VWCE: variants seen among roughly 807,000 people sequenced by gnomAD.
VWCE encodes the protein von Willebrand factor C and EGF domain-containing protein.
A neutral mutation model predicts 102.9 loss-of-function variants in VWCE; 68 were observed. The ratio of observed to expected loss-of-function variants is 0.66; its 90% CI spans 0.54 to 0.81. The LOEUF (loss-of-function observed/expected upper bound fraction) is 0.81, where lower values mean the gene tolerates loss of function less well. Ranked by LOEUF, VWCE falls within the 30% of genes least tolerant of loss-of-function variation. VWCE has a pLI of 0.00. For synonymous variants in VWCE, 497 were observed against 515.4 expected (o/e 0.96, Z 0.48); for missense variants, 1,137 against 1,263.6 (o/e 0.90, Z 1.52).
intron 9 of VWCE, among the ~76,000 whole-genome samples, chr11:61,279,946 CA>C (rs769382921): frequency 1.3e-5 from 2 of 152,186 alleles, no homozygotes; most frequent in Non-Finnish European, 2.9e-5. Context: ...GGGCTAGTCT[CA>C]AACTCCTGGG....
At chr11:61,291,626 T>G (rs183883546) in intron 1 of VWCE, 50 bp from the exon 2 acceptor site, 1 of 1,354,174 alleles carries the variant, frequency 7.4e-7, no homozygotes, top group Non-Finnish European at 9.6e-7. Flanking sequence ...GGGGAGACAT[T>G]GGTCAACAGG....
Position 61,264,528 on chromosome 11 carries a change from T to C in VWCE, c.2189A>G (p.Asp730Gly), listed in dbSNP as rs1191446176. 3.7e-6 allele frequency: 6 copies of C among 1,613,354 alleles called. No homozygotes were observed. The highest frequency in any genetic ancestry group is 5.1e-6 in the Non-Finnish European group (6 of 1,179,770). ...GCAGTCCCCAGGAAGCAGGGCAGGGTCGGCACAGGCCCGCTGGCAGGGAAC... is the reference window on the plus strand; with the variant it reads ...GCAGTCCCCAGGAAGCAGGGCAGGGCCGGCACAGGCCCGCTGGCAGGGAAC... ...EKVPCQRACA[D>G]PALLPGDCCS... Residue 730 changes from aspartate (D) to glycine (G), a missense_variant, in exon 19 of 20, where the codon GAC becomes GGC. By Grantham distance (94) the Asp-to-Gly change is moderately conservative (BLOSUM62 -1). Coordinates refer to ENST00000335613, the MANE Select transcript of VWCE (RefSeq NM_152718.2).
intron 9 of VWCE, 98 bp downstream of exon 9, chr11:61,280,526 C>A: frequency 8.1e-7 from 1 of 1,227,360 alleles, no homozygotes; most frequent in Non-Finnish European, 1.1e-6. Flanking sequence ...CCAGGAGATT[C>A]TAATGTATGC....
chr11:61,280,297 G>A (rs1392318285), intron 9 of VWCE, among the ~76,000 whole-genome samples: 1 of 152,162 alleles, frequency 6.6e-6, no homozygotes, highest in Non-Finnish European at 1.5e-5. Flanking sequence ...AAATGAAAAT[G>A]AGCGAATGAA....
intron 4 of VWCE, 99 bp downstream of exon 4, chr11:61,290,700 T>C: frequency 1.4e-6 from 2 of 1,404,942 alleles, no homozygotes; most frequent in Non-Finnish European, 1.9e-6. Flanking sequence ...TGGCTCAGCT[T>C]AGCCTTGCAA....
chr11:61,282,951 C>T (rs1855190063), intron 5 of VWCE, 46 bp from the exon 6 acceptor site: 2 of 1,524,074 alleles, frequency 1.3e-6, no homozygotes, highest in Non-Finnish European at 1.8e-6. Context: ...CCCAACAGAA[C>T]CTTGGAAATA....
intron 3 of VWCE, 88 bp downstream of exon 3, chr11:61,291,176 C>G: frequency 7.5e-7 from 1 of 1,332,822 alleles, no homozygotes; most frequent in Non-Finnish European, 1.0e-6. Flanking sequence ...GCTGAGACAC[C>G]AGGACACATC....
chr11:61,268,884 C>T (rs774732231), intron 15 of VWCE, 38 bp downstream of exon 15: 43 of 1,607,898 alleles, frequency 2.7e-5, no homozygotes, highest in Admixed American at 2.5e-4. Flanking sequence ...GCCTGAGATG[C>T]CCTGCCCTGG....
chr11:61,281,125 G>A lies in VWCE; in HGVS notation c.898C>T (p.His300Tyr), dbSNP rs1165340069. The A allele has an allele frequency of 1.2e-6, 2 of 1,613,526 alleles. No homozygotes were observed. The part of the protein sequence containing the change: ...EAGRPALSPG[H>Y]SPPSGAPGPP... ...CCTGGAGCCCCAGAAGGAGGGCTAT[G>A]TCCTGGGGACAGGGCAGGCCGGCCG... The change falls in exon 8 of 20, where the codon CAT becomes TAT. Residue 300 changes from histidine to tyrosine, a missense_variant. Transcript: ENST00000335613.
At chr11:61,260,988 G>A (rs897664199) in intron 19 of VWCE, among the ~76,000 whole-genome samples, 2 of 152,184 alleles carry the variant, frequency 1.3e-5, no homozygotes, top group Non-Finnish European at 2.9e-5. Context: ...ATTTTGGGAG[G>A]CCATGGTGGA....
chr11:61,266,282 G>A (rs1260981193), intron 16 of VWCE, among the ~76,000 whole-genome samples: 1 of 152,152 alleles, frequency 6.6e-6, no homozygotes, highest in African/African-American at 2.4e-5. Context: ...GCTCATGCCT[G>A]TAATCCCCAA....
At chr11:61,259,421 TCAGCA>T in intron 19 of VWCE, 109 bp from the exon 20 acceptor site, 1 of 1,375,466 alleles carries the variant, frequency 7.3e-7, no homozygotes. Context: ...CAGAGGGGCC[TCAGCA>T]CACCTGGTGA....
At chr11:61,289,039 A>G (rs893347167) in intron 4 of VWCE, among the ~76,000 whole-genome samples, 7 of 151,714 alleles carry the variant, frequency 4.6e-5, no homozygotes, top group Non-Finnish European at 8.8e-5. Context: ...GGGTTTCACC[A>G]TGTTGGTCAT....
chr11:61,288,816 G>C (rs1424282851), intron 4 of VWCE, among the ~76,000 whole-genome samples: 1 of 151,010 alleles, frequency 6.6e-6, no homozygotes, highest in Non-Finnish European at 1.5e-5. Flanking sequence ...CAGAGAAGCT[G>C]ACAGGAAGCC....
In VWCE at chr11:61,258,671, C is replaced by T. The variant is rs373369778; in HGVS notation, c.*4G>A. The T allele has an allele frequency of 5.8e-6, 8 of 1,375,710 alleles. No homozygotes were observed. In the Admixed American group the frequency reaches 2.2e-4, roughly 38 times the overall value. The allele number at this position is 1,375,710 out of a possible 1,614,324, so 85.2% of individuals were successfully genotyped here. On this transcript the variant is annotated 3_prime_UTR_variant, in exon 20 of 20. Transcript: ENST00000335613. ...TCCAGAGTCTCCCGGACACAGTGAC[C>T]TCCTTACATGGTGGACTCTTCCCCC...
At chr11:61,273,098 A>T (rs1298735261) in intron 13 of VWCE, 101 bp downstream of exon 13, 11 of 1,210,614 alleles carry the variant, frequency 9.1e-6, no homozygotes, top group South Asian at 1.2e-5. Flanking sequence ...GTACACACAC[A>T]CACAAACAGC....
chr11:61,271,656 C>CGA lies in VWCE; in HGVS notation c.1785+17_1785+18dup. 6.2e-7 allele frequency: 1 copy of CGA among 1,601,104 alleles called. No homozygotes were observed. Among genetic ancestry groups the CGA allele is most frequent in the South Asian group, 1.1e-5 (1 of 88,874 alleles). On this transcript the variant is annotated intron_variant, in intron 14 of 19. Coordinates refer to ENST00000335613, the MANE Select transcript of VWCE (RefSeq NM_152718.2). The stretch of plus-strand genomic sequence containing the variant: ...GGCAGCCAGGTAAAGCAGCTGAAGG[C>CGA]GAGCAGGTTGTCATTCACCTGGCAG...
At chr11:61,267,857 GGT>G (rs1474901507) in intron 15 of VWCE, among the ~76,000 whole-genome samples, 1 of 152,014 alleles carries the variant, frequency 6.6e-6, no homozygotes, top group Non-Finnish European at 1.5e-5. Context: ...GGAAATACGA[GGT>G]GTGTGTGAGG....
At chr11:61,278,963 C>T (rs1218236986) in intron 9 of VWCE, among the ~76,000 whole-genome samples, 2 of 151,882 alleles carry the variant, frequency 1.3e-5, no homozygotes, top group Admixed American at 1.3e-4. Flanking sequence ...CGCTTGAACC[C>T]GGGAGGCAGA....
Sources: gnomAD v4.1 joint callset for allele counts (sites outside exome capture counted in the v4.1 genomes callset) on GRCh38, gnomAD v4.1.1 for gene constraint, MANE v1.5 for transcripts, NCBI Gene and HGNC (gene_info 2026-07-23, HGNC 2026-07-21) for gene names.